The following EDIL3 variants were observed in gnomAD, a reference collection of about 807,000 sequenced individuals.
The protein encoded by EDIL3 is EGF-like repeat and discoidin I-like domain-containing protein 3.
A neutral mutation model predicts 67.4 loss-of-function variants in EDIL3; 37 were observed. That is an observed-to-expected ratio of 0.55 (90% CI 0.42 to 0.72). The LOEUF (loss-of-function observed/expected upper bound fraction) is 0.72, where lower values mean the gene tolerates loss of function less well. Among genes scored for constraint, EDIL3 ranks in the 30% least tolerant of loss-of-function variants. EDIL3 has a pLI of 0.00. For missense variants in EDIL3, 527 were observed against 586.3 expected, an observed-to-expected ratio of 0.90 and a Z score of 1.04; for synonymous variants, 195 against 196.3, an observed-to-expected ratio of 0.99 and a Z score of 0.05.
chr5:84,220,853 A>C (rs529168035), intron 3 of EDIL3, among the ~76,000 whole-genome samples: 1 of 152,260 alleles, frequency 6.6e-6, no homozygotes, highest in Non-Finnish European at 1.5e-5. Flanking sequence ...CTGGTCATGC[A>C]TAAGGATGCA....
intron 5 of EDIL3, among the ~76,000 whole-genome samples, chr5:84,127,803 T>A (rs1035993106): frequency 6.6e-6 from 1 of 152,114 alleles, no homozygotes; most frequent in Non-Finnish European, 1.5e-5. Flanking sequence ...TTATACTTTT[T>A]ACTCTCTTAC....
intron 9 of EDIL3, among the ~76,000 whole-genome samples, chr5:84,008,152 G>A (rs1023981508): frequency 2.6e-5 from 4 of 152,104 alleles, no homozygotes; most frequent in African/African-American, 9.7e-5. Context: ...GGGGTTGCAG[G>A]AGTAAAGTGA....
intron 2 of EDIL3, among the ~76,000 whole-genome samples, chr5:84,235,017 T>C (rs1385982941): frequency 6.6e-6 from 1 of 152,148 alleles, no homozygotes; most frequent in Non-Finnish European, 1.5e-5. Context: ...TTACTAAAAT[T>C]AGAGTAAACT....
Position 84,200,490 on chromosome 5 carries a change from A to T in EDIL3, c.227-19969T>A, listed in dbSNP as rs143589749. The stretch of plus-strand genomic sequence containing the variant: ...TAAGTTTTGAAACAAGAATCATAAC[A>T]TACCAAAAAAAATTTACCATGTCTT... On this transcript the variant is annotated intron_variant, in intron 3 of 10. Transcript: ENST00000296591. Among the ~76,000 whole-genome samples, 556 of 152,158 alleles carry T rather than the reference A, an allele frequency of 3.7e-3. 1 individual carries two copies. The highest frequency in any genetic ancestry group is 0.013 in the African/African-American group (532 of 41,552).
intron 3 of EDIL3, among the ~76,000 whole-genome samples, chr5:84,207,963 T>A (rs1235356015): frequency 6.6e-6 from 1 of 151,968 alleles, no homozygotes. Flanking sequence ...AACCTAGGCA[T>A]TACCATTCAG....
chr5:84,061,981 C>A (rs1746552036), intron 8 of EDIL3, among the ~76,000 whole-genome samples: 1 of 152,038 alleles, frequency 6.6e-6, no homozygotes. Context: ...ATCTAGATTA[C>A]TTCTACCTTC....
intron 1 of EDIL3, among the ~76,000 whole-genome samples, chr5:84,352,839 C>A (rs1747390150): frequency 1.3e-5 from 2 of 151,792 alleles, no homozygotes; most frequent in African/African-American, 2.4e-5. Flanking sequence ...ATACAATGGC[C>A]CAAAAAATAA....
chr5:84,219,116 C>G (rs1423338817), intron 3 of EDIL3, among the ~76,000 whole-genome samples: 1 of 152,134 alleles, frequency 6.6e-6, no homozygotes, highest in African/African-American at 2.4e-5. Context: ...CACAGAGGTG[C>G]TTGTGTCACC....
rs1445649761 is a variant in EDIL3 at position 84,323,437 on chromosome 5, A to G, written c.67+60871T>C. Among the ~76,000 whole-genome samples the G allele has an allele frequency of 3.3e-5, 5 of 151,914 alleles. No homozygotes were observed. The East Asian group carries it at 9.6e-4, about 29-fold the overall frequency. On this transcript the variant is annotated intron_variant, in intron 1 of 10. Transcript: ENST00000296591. ...GAATATACACATAAGGAAATGAGAA[A>G]GGAATTAAATGTTTCAATATAAAAA...
At chr5:84,265,926 AT>A (rs1056160306) in intron 1 of EDIL3, among the ~76,000 whole-genome samples, 8 of 152,146 alleles carry the variant, frequency 5.3e-5, no homozygotes, top group African/African-American at 1.9e-4. Context: ...GTGTCAGGTT[AT>A]TGCTGTTAAC....
chr5:84,024,932 A>G (rs1475725588), intron 9 of EDIL3, among the ~76,000 whole-genome samples: 1 of 152,010 alleles, frequency 6.6e-6, no homozygotes, highest in East Asian at 1.9e-4. Context: ...AACCTTTAGT[A>G]TTCAACAAAA....
chr5:84,047,262 G>A (rs1231424368), intron 9 of EDIL3, among the ~76,000 whole-genome samples: 4 of 151,910 alleles, frequency 2.6e-5, no homozygotes, highest in Non-Finnish European at 4.4e-5. Flanking sequence ...CTATATGCAA[G>A]CACTTACTTA....
intron 9 of EDIL3, among the ~76,000 whole-genome samples, chr5:83,966,560 A>G (rs895451342): frequency 4.6e-5 from 7 of 152,058 alleles, no homozygotes; most frequent in Non-Finnish European, 7.4e-5. Flanking sequence ...TGATGCTAAG[A>G]GTCAGCCTAC....
intron 3 of EDIL3, among the ~76,000 whole-genome samples, chr5:84,212,053 A>C (rs951219146): frequency 3.3e-5 from 5 of 151,808 alleles, no homozygotes; most frequent in African/African-American, 1.2e-4. Context: ...CTCCACCCCC[A>C]CTTTGCTCTC....
At chr5:84,275,300 A>G (rs1472028525) in intron 1 of EDIL3, among the ~76,000 whole-genome samples, 1 of 152,212 alleles carries the variant, frequency 6.6e-6, no homozygotes, top group Admixed American at 6.5e-5. Flanking sequence ...CACAAATATG[A>G]GAGTGTCACA....
In EDIL3 at chr5:84,224,874, A is replaced by T. The variant is rs536125992; in HGVS notation, c.226+4981T>A. ...TGCAATATCAACATACTTAGATTAA[A>T]TATATCACTTCTAAAAGTGATTCAT... On this transcript the variant is annotated intron_variant, in intron 3 of 10. Transcript: ENST00000296591. 7.3e-5 allele frequency among the ~76,000 whole-genome samples: 11 copies of T among 151,704 alleles called. No individual in the cohort carries two copies. In the South Asian group the frequency reaches 1.7e-3, roughly 23 times the overall value.
intron 5 of EDIL3, 108 bp from the exon 6 acceptor site, chr5:84,106,938 C>T: frequency 8.2e-7 from 1 of 1,214,984 alleles, no homozygotes; most frequent in Non-Finnish European, 1.1e-6. Context: ...ATTTGCACCA[C>T]CATGCTATTT....
intron 9 of EDIL3, among the ~76,000 whole-genome samples, chr5:84,029,164 A>G (rs1228031645): frequency 6.6e-6 from 1 of 152,126 alleles, no homozygotes; most frequent in Non-Finnish European, 1.5e-5. Flanking sequence ...GGCTGAAGCA[A>G]GAGAATGGCA....
At chr5:84,053,541 A>G (rs1054838038) in intron 9 of EDIL3, among the ~76,000 whole-genome samples, 7 of 152,198 alleles carry the variant, frequency 4.6e-5, no homozygotes, top group African/African-American at 1.4e-4. Context: ...GAAAAGATCA[A>G]CAAAATTGAT....
Sources: allele counts gnomAD v4.1 joint callset (sites outside exome capture counted in the v4.1 genomes callset), GRCh38; gene constraint gnomAD v4.1.1; transcripts MANE v1.5; gene names NCBI Gene and HGNC (gene_info 2026-07-23, HGNC 2026-07-21).